RNF115: variants seen among roughly 807,000 people sequenced by gnomAD.
RNF115 encodes ring finger protein 115, also known as E3 ubiquitin-protein ligase RNF115.
A neutral mutation model predicts 39.2 loss-of-function variants in RNF115; 31 were observed. The observed-to-expected ratio is 0.79, with a 90% CI of 0.59 to 1.07. The LOEUF (loss-of-function observed/expected upper bound fraction) is 1.07, where lower values mean the gene tolerates loss of function less well. RNF115 is among the 50% of genes least tolerant of loss of function. The pLI, the probability that RNF115 is intolerant of heterozygous loss-of-function variation, is 0.00. For synonymous variants in RNF115, 124 were observed against 131.0 expected, an observed-to-expected ratio of 0.95 and a Z score of 0.37; for missense variants, 384 against 381.7, an observed-to-expected ratio of 1.01 and a Z score of -0.05.
intron 1 of RNF115, among the ~76,000 whole-genome samples, chr1:145,809,488 A>ATTTTTTTTTTTTTTTTTTTTTTTTTTTT (rs781918386): frequency 2.2e-5 from 1 of 46,344 alleles, no homozygotes; most frequent in African/African-American, 9.6e-5. Flanking sequence ...GACCCAGCTA[A>ATTTTTTTTTTTTTTTTTTTTTTTTTTTT]TTTTTTTTTT....
intron 3 of RNF115, among the ~76,000 whole-genome samples, chr1:145,782,484 T>C (rs1553717556): frequency 6.6e-6 from 1 of 152,152 alleles, no homozygotes; most frequent in Non-Finnish European, 1.5e-5. Context: ...TCTTAGCTAA[T>C]TTATTAAAAA....
Position 145,746,978 on chromosome 1 carries a change from C to T in RNF115, c.803G>A (p.Cys268Tyr). ...WLELHDTCPV[C>Y]RKSLNGEDST... ...GTCCTCACCATTTAAGCTCTTCCTA[C>T]ATACAGGACATGTGTCATGCTGAAA... Residue 268 changes from cysteine (C) to tyrosine (Y), a missense_variant, in exon 9 of 9, where the codon TGT (cysteine) becomes TAT (tyrosine). Physicochemically the swap from Cys to Tyr is radical, Grantham distance 194. Coordinates refer to ENST00000582693, the MANE Select transcript of RNF115 (RefSeq NM_014455.4). 3 of 1,613,774 alleles carry T rather than the reference C, an allele frequency of 1.9e-6. No individual in the cohort carries two copies. The highest frequency in any genetic ancestry group is 2.5e-6 in the Non-Finnish European group (3 of 1,179,802).
rs587747922 is a variant in RNF115, at chr1:145,773,973, G to T, written c.220-2054C>A. The T allele has an allele frequency of 2.6e-5, 4 of 152,374 alleles. No individual in the cohort carries two copies. In the East Asian group the frequency reaches 7.7e-4, roughly 29 times the overall value. 9.4% of individuals were successfully genotyped at this position (152,374 alleles called of 1,614,324 possible). On this transcript the variant is annotated intron_variant, in intron 3 of 8. Coordinates refer to ENST00000582693, the MANE Select transcript of RNF115 (RefSeq NM_014455.4). ...CAAGACTGCAGCCATACCAGGAAGG[G>T]AGGTGAGGCTAGGGTAAGCTAAAAT...
chr1:145,815,687 GT>G (rs1649962031), intron 1 of RNF115, among the ~76,000 whole-genome samples: 1 of 151,226 alleles, frequency 6.6e-6, no homozygotes, highest in Non-Finnish European at 1.5e-5. Context: ...TTCTGCTATG[GT>G]TTTGAAAATA....
At position 145,812,883 on chromosome 1, in the gene RNF115, A is replaced by G. The variant is rs1423115241; in HGVS notation, c.102+10889T>C. Among the ~76,000 whole-genome samples the G allele has an allele frequency of 4.1e-5, 6 of 147,558 alleles. No individual in the cohort carries two copies. The South Asian group carries it at 9.1e-4, about 22-fold the overall frequency. On this transcript the variant is annotated intron_variant, in intron 1 of 8. Coordinates refer to ENST00000582693, the MANE Select transcript of RNF115 (RefSeq NM_014455.4). The stretch of plus-strand genomic sequence containing the variant: ...TTATCCACCCACCTCTGCCTCCCAA[A>G]GTGCTGGGATTACAGGTGTTAGCCA...
chr1:145,812,629 C>T (rs1351272402), intron 1 of RNF115, among the ~76,000 whole-genome samples: 1 of 150,954 alleles, frequency 6.6e-6, no homozygotes, highest in Non-Finnish European at 1.5e-5. Flanking sequence ...CACTGCACTC[C>T]AGCCTGGGTG....
At chr1:145,770,859 T>C in intron 4 of RNF115, among the ~76,000 whole-genome samples, 2 of 152,340 alleles carry the variant, frequency 1.3e-5, no homozygotes, top group Non-Finnish European at 1.5e-5. Flanking sequence ...GTGTTCCTAG[T>C]GTCTAGTACA....
intron 4 of RNF115, 34 bp from the exon 5 acceptor site, chr1:145,753,083 G>A (rs1658157913): frequency 7.0e-7 from 1 of 1,421,948 alleles, no homozygotes; most frequent in Non-Finnish European, 9.9e-7. Flanking sequence ...TAAGACAACA[G>A]ACTAATGAAA....
intron 3 of RNF115, among the ~76,000 whole-genome samples, chr1:145,775,633 A>G (rs981418836): frequency 6.6e-6 from 1 of 152,076 alleles, no homozygotes; most frequent in South Asian, 2.1e-4. Context: ...GGCTTAAAGT[A>G]ATCCTCCTGC....
At chr1:145,755,104 T>C (rs1553713027) in intron 4 of RNF115, among the ~76,000 whole-genome samples, 2 of 151,798 alleles carry the variant, frequency 1.3e-5, no homozygotes, top group African/African-American at 4.8e-5. Context: ...AACCAGGCAT[T>C]AGTGGCACGT....
rs11304765 is a variant in RNF115, at chr1:145,793,842, C to CTT, written c.103-4878_103-4877dup. Among the ~76,000 whole-genome samples the CTT allele has an allele frequency of 8.0e-4, 108 of 135,782 alleles. 1 individual carries two copies. Among genetic ancestry groups the CTT allele is most frequent in the African/African-American group, 1.7e-3 (63 of 36,424 alleles). The allele number at this position is 135,782 out of a possible 152,430, so 89.1% of individuals were successfully genotyped here. On this transcript the variant is annotated intron_variant, in intron 1 of 8. Coordinates refer to ENST00000582693, the MANE Select transcript of RNF115 (RefSeq NM_014455.4). ...GAGCACTAAATATCTTACCCTCTTT[C>CTT]TTTTTTTTTTTTTTTTTTTGAGACG...
intron 1 of RNF115, among the ~76,000 whole-genome samples, chr1:145,793,626 T>TCACACA (rs34785428): frequency 6.7e-5 from 10 of 150,072 alleles, no homozygotes; most frequent in South Asian, 2.1e-4. Flanking sequence ...ATGCTTTTTC[T>TCACACA]CACACACACA....
At chr1:145,782,772 G>C (rs1648206769) in intron 3 of RNF115, among the ~76,000 whole-genome samples, 1 of 152,214 alleles carries the variant, frequency 6.6e-6, no homozygotes, top group Non-Finnish European at 1.5e-5. Flanking sequence ...ATCAGTAAGT[G>C]ACAATCTGTG....
intron 1 of RNF115, among the ~76,000 whole-genome samples, chr1:145,792,365 C>T (rs1648714818): frequency 6.6e-6 from 1 of 152,046 alleles, no homozygotes; most frequent in African/African-American, 2.4e-5. Flanking sequence ...GGGTCTCATT[C>T]TGTCACCTAG....
intron 1 of RNF115, 127 bp from the exon 2 acceptor site, chr1:145,789,093 G>C: frequency 1.6e-6 from 1 of 612,480 alleles, no homozygotes; most frequent in South Asian, 2.0e-5. Flanking sequence ...GCTGACTCAA[G>C]TAGTTTTTGT....
At chr1:145,784,905 T>A (rs1399028218) in intron 2 of RNF115, among the ~76,000 whole-genome samples, 1 of 152,152 alleles carries the variant, frequency 6.6e-6, no homozygotes, top group African/African-American at 2.4e-5. Flanking sequence ...AAGACAAATA[T>A]TTATCCTCAA....
intron 1 of RNF115, among the ~76,000 whole-genome samples, chr1:145,804,494 T>A (rs1649380861): frequency 1.2e-5 from 1 of 86,642 alleles, no homozygotes; most frequent in Admixed American, 1.5e-4. Context: ...AATGCATGCA[T>A]GCATGCACAC....
At chr1:145,796,536 C>G (rs1857088) in intron 1 of RNF115, among the ~76,000 whole-genome samples, 126,707 of 151,804 alleles carry the variant, frequency 0.83, 53,112 homozygotes, top group African/African-American at 0.89. Context: ...ACAGGTGCAT[C>G]CCACTGCACC....
Position 145,751,488 on chromosome 1 carries a change from G to A in RNF115, c.523C>T (p.Pro175Ser). ...GTCTGACCCCAGGCATAGTCCCCAG[G>A]GTTGGAGTGCAGCATCCCGCTCCTA... is the stretch of plus-strand genomic sequence containing the variant. ...FSWSGMLHSN[P>S]GDYAWGQTGL... The change falls in exon 6 of 9, where the codon CCT (proline) becomes TCT (serine). Residue 175 changes from proline (P) to serine (S), a missense_variant. Transcript: ENST00000582693. 1 of 1,598,728 alleles carries A rather than the reference G, an allele frequency of 6.3e-7. No individual in the cohort carries two copies. Among genetic ancestry groups the A allele is most frequent in the Non-Finnish European group, 8.5e-7 (1 of 1,172,220 alleles).
Sources: allele counts gnomAD v4.1 joint callset (sites outside exome capture counted in the v4.1 genomes callset), GRCh38; gene constraint gnomAD v4.1.1; transcripts MANE v1.5; gene names NCBI Gene and HGNC (gene_info 2026-07-23, HGNC 2026-07-21).